The following CDH18 variants were observed in gnomAD, a reference collection of about 807,000 sequenced individuals.
The protein encoded by CDH18 is cadherin-18.
A neutral mutation model predicts 67.9 loss-of-function variants in CDH18; 31 were observed. The observed-to-expected ratio is 0.46, with a 90% CI of 0.34 to 0.62. CDH18 has a LOEUF of 0.62. Among genes scored for constraint, CDH18 ranks in the 20% least tolerant of loss-of-function variants. The pLI is 0.01. For missense variants in CDH18, 890 were observed against 975.5 expected, an observed-to-expected ratio of 0.91 and a Z score of 1.17; for synonymous variants, 362 against 347.2, an observed-to-expected ratio of 1.04 and a Z score of -0.48.
chr5:20,117,141 T>A (rs1006078815), intron 2 of CDH18, among the ~76,000 whole-genome samples: 12 of 152,114 alleles, frequency 7.9e-5, no homozygotes, highest in Non-Finnish European at 1.3e-4. Context: ...TGTTTTACAT[T>A]TAAATTTATA....
chr5:20,333,845 G>C (rs1182566183), intron 1 of CDH18, among the ~76,000 whole-genome samples: 1 of 151,834 alleles, frequency 6.6e-6, no homozygotes. Context: ...AAAACTTATA[G>C]ATGTAAATAA....
chr5:20,102,399 G>A (rs78460517), intron 2 of CDH18, among the ~76,000 whole-genome samples: 1,727 of 152,218 alleles, frequency 0.011, 39 homozygotes, highest in African/African-American at 0.039. Flanking sequence ...TCTTCCAAGC[G>A]TAATCAATGG....
At chr5:19,597,936 G>A (rs183986444) in intron 6 of CDH18, among the ~76,000 whole-genome samples, 120 of 151,776 alleles carry the variant, frequency 7.9e-4, no homozygotes, top group Non-Finnish European at 1.4e-3. Flanking sequence ...CTAAGATGTC[G>A]CATATAGTTC....
At chr5:20,503,484 T>G (rs1486372240) in intron 1 of CDH18, among the ~76,000 whole-genome samples, 2 of 152,158 alleles carry the variant, frequency 1.3e-5, no homozygotes, top group East Asian at 3.9e-4. Flanking sequence ...GTTGATATCA[T>G]TCTCATTTTT....
chr5:20,347,518 A>C (rs1391536437), intron 1 of CDH18, among the ~76,000 whole-genome samples: 1 of 152,232 alleles, frequency 6.6e-6, no homozygotes, highest in Non-Finnish European at 1.5e-5. Flanking sequence ...TCACATGAAC[A>C]ACCATGGACA....
At chr5:19,499,291 T>C (rs1742844430) in intron 11 of CDH18, among the ~76,000 whole-genome samples, 1 of 152,200 alleles carries the variant, frequency 6.6e-6, no homozygotes, top group Non-Finnish European at 1.5e-5. Flanking sequence ...CCCACTTCTT[T>C]TCTACCTAAC....
At chr5:19,634,609 T>G (rs778821797) in intron 5 of CDH18, among the ~76,000 whole-genome samples, 1 of 152,128 alleles carries the variant, frequency 6.6e-6, no homozygotes, top group Non-Finnish European at 1.5e-5. Flanking sequence ...CTAAATAATA[T>G]AATCAGCTTA....
At chr5:19,994,239 A>G (rs1208738224) in intron 2 of CDH18, among the ~76,000 whole-genome samples, 2 of 147,510 alleles carry the variant, frequency 1.4e-5, no homozygotes, top group East Asian at 4.1e-4. Context: ...ATGTATATAC[A>G]CACACATATA....
chr5:19,982,415 G>GA (rs1221996319), intron 1 of CDH18, among the ~76,000 whole-genome samples: 1 of 144,654 alleles, frequency 6.9e-6, no homozygotes. Flanking sequence ...AAATTTTTCT[G>GA]AAAATTTTTT....
At chr5:20,029,787 C>T (rs921784633) in intron 2 of CDH18, among the ~76,000 whole-genome samples, 2 of 152,162 alleles carry the variant, frequency 1.3e-5, no homozygotes, top group Admixed American at 6.5e-5. Context: ...CACATTACCA[C>T]AAACTTAGGG....
At chr5:20,561,861 CATT>C (rs1456359304) in intron 1 of CDH18, among the ~76,000 whole-genome samples, 1 of 151,632 alleles carries the variant, frequency 6.6e-6, no homozygotes, top group African/African-American at 2.4e-5. Context: ...GTAATGTCTT[CATT>C]ATTAATTTAT....
intron 2 of CDH18, among the ~76,000 whole-genome samples, chr5:20,174,144 T>C (rs1199605566): frequency 2.0e-5 from 3 of 152,204 alleles, no homozygotes; most frequent in South Asian, 2.1e-4. Context: ...TCTGTTCTTT[T>C]TAGTTTTATA....
At chr5:19,922,235 G>T (rs1219113014) in intron 2 of CDH18, among the ~76,000 whole-genome samples, 5 of 152,052 alleles carry the variant, frequency 3.3e-5, no homozygotes, top group Non-Finnish European at 7.3e-5. Context: ...TAATAGAAGG[G>T]TTTAAACTAA....
chr5:20,345,865 G>A (rs926530554), intron 1 of CDH18, among the ~76,000 whole-genome samples: 2 of 152,022 alleles, frequency 1.3e-5, no homozygotes, highest in African/African-American at 4.8e-5. Flanking sequence ...CCTCCACTGC[G>A]GACGGGGGCC....
chr5:20,449,763 C>T (rs1165193071), intron 1 of CDH18, among the ~76,000 whole-genome samples: 1 of 151,744 alleles, frequency 6.6e-6, no homozygotes. Flanking sequence ...CTATAAAGTA[C>T]TCCTGTAAAG....
chr5:20,415,343 C>T (rs1009673564), intron 1 of CDH18, among the ~76,000 whole-genome samples: 1 of 150,190 alleles, frequency 6.7e-6, no homozygotes, highest in South Asian at 2.1e-4. Context: ...GCAGAGATCA[C>T]ACCACTGCAC....
chr5:19,812,968 G>C (rs1475083780), intron 3 of CDH18, among the ~76,000 whole-genome samples: 2 of 152,052 alleles, frequency 1.3e-5, no homozygotes, highest in Non-Finnish European at 2.9e-5. Flanking sequence ...CCATGAAAAA[G>C]GATGACTTCA....
At chr5:20,161,500 T>G (rs1735888933) in intron 2 of CDH18, among the ~76,000 whole-genome samples, 1 of 152,196 alleles carries the variant, frequency 6.6e-6, no homozygotes, top group South Asian at 2.1e-4. Flanking sequence ...CTAGACAAAG[T>G]CAACTGGAAG....
chr5:20,221,266 A>G (rs1044416906), intron 2 of CDH18, among the ~76,000 whole-genome samples: 5 of 152,138 alleles, frequency 3.3e-5, no homozygotes, highest in Non-Finnish European at 7.4e-5. Flanking sequence ...TACACAATGG[A>G]GCATTATTCA....
Sources: allele counts gnomAD v4.1 joint callset (sites outside exome capture counted in the v4.1 genomes callset), GRCh38; gene constraint gnomAD v4.1.1; transcripts MANE v1.5; gene names NCBI Gene and HGNC (gene_info 2026-07-23, HGNC 2026-07-21).